HMCN2: variants seen among roughly 807,000 people sequenced by gnomAD.
HMCN2 encodes hemicentin 2, also known as hemicentin-2.
HMCN2 carries 325 observed loss-of-function variants against 377.5 expected under a neutral mutation model. That is an observed-to-expected ratio of 0.86 (90% CI 0.79 to 0.94). The LOEUF (loss-of-function observed/expected upper bound fraction) is 0.94. Ranked by LOEUF, HMCN2 falls within the 40% of genes least tolerant of loss-of-function variation. The probability of loss-of-function intolerance (pLI) is 0.00; values close to 1 mark genes in which losing one functional copy is unlikely to be tolerated. For missense variants in HMCN2, 4,543 were observed against 4,725.3 expected, an observed-to-expected ratio of 0.96 and a Z score of 1.13; for synonymous variants, 2,007 against 2,046.8, an observed-to-expected ratio of 0.98 and a Z score of 0.53.
In HMCN2 at chr9:130,377,788, T is replaced by C; in HGVS notation, c.8201T>C (p.Val2734Ala). ...GGCGAGGACGACCAGGACTTCAACG[T>C]GCTCATCCAGGGTGCGTGGCGCCAG... ...VAGEDDQDFN[V>A]LIQVPPMFQK... The change falls in exon 53 of 98, where the codon GTG (valine) becomes GCG (alanine). Residue 2734 changes from valine to alanine, a missense_variant. Physicochemically the swap from Val to Ala is moderately conservative, Grantham distance 64. Around this residue, in one of 5 missense-constraint regions of HMCN2, gnomAD observed 736 missense variants for 773.2 expected, o/e 0.95. Transcript: ENST00000683500. 1.0e-6 allele frequency: 1 copy of C among 985,970 alleles called. No individual in the cohort carries two copies. Among genetic ancestry groups the C allele is most frequent in the Non-Finnish European group, 1.2e-6 (1 of 830,002 alleles). 61.1% of individuals were successfully genotyped at this position (985,970 alleles called of 1,614,324 possible). A position where few individuals can be genotyped will look rare whatever the true frequency, so the allele number is the denominator to read the frequency against.
At chr9:130,378,822 G>A (rs1841540774) in intron 53 of HMCN2, among the ~76,000 whole-genome samples, 1 of 152,096 alleles carries the variant, frequency 6.6e-6, no homozygotes. Context: ...GGATGACACG[G>A]CCCCCTCCAG....
intron 85 of HMCN2, among the ~76,000 whole-genome samples, chr9:130,411,802 C>T (rs1434309567): frequency 6.6e-6 from 1 of 151,836 alleles, no homozygotes; most frequent in African/African-American, 2.4e-5. Context: ...CCAGGGGCTG[C>T]AGGGAGGGGA....
Position 130,382,863 on chromosome 9 carries a change from G to A in HMCN2, c.8730G>A (p.Leu2910=), listed in dbSNP as rs1178310531. 1.7e-5 allele frequency: 17 copies of A among 985,766 alleles called. No homozygotes were observed. The highest frequency in any genetic ancestry group is 2.0e-5 in the Non-Finnish European group (17 of 829,932). The allele number at this position is 985,766 out of a possible 1,614,324, so 61.1% of individuals were successfully genotyped here. A position where few individuals can be genotyped will look rare whatever the true frequency, so the allele number is the denominator to read the frequency against. Residue 2910 remains leucine (L), a synonymous_variant, in exon 56 of 98, where the codon TTG becomes TTA. Coordinates refer to ENST00000683500, the MANE Select transcript of HMCN2 (RefSeq NM_001291815.2). ...RLQVLEDGQV[L]QVSTAEVADA... ...AGGTCCTGGAGGACGGGCAAGTCTT[G>A]CAGGTCAGGGCAGCCCCCTGCACGG...
chr9:130,375,617 T>C lies in HMCN2; in HGVS notation c.7685T>C (p.Val2562Ala), dbSNP rs894263463. Residue 2562 changes from valine (V) to alanine (A), a missense_variant, in exon 50 of 98, where the codon GTG (valine) becomes GCG (alanine). Physicochemically the swap from Val to Ala is moderately conservative, Grantham distance 64 (BLOSUM62 0). Around this residue, in one of 5 missense-constraint regions of HMCN2, gnomAD observed 736 missense variants for 773.2 expected, o/e 0.95. Transcript: ENST00000683500. ...AEDSADEEVTVTVNNPISLIC... is the reference protein window; with the variant it reads ...AEDSADEEVTATVNNPISLIC... ...GACAGTGCAGATGAGGAGGTGACCG[T>C]GACTGTCAACAACCCCATCTCTCTG... 1.0e-6 allele frequency: 1 copy of C among 985,714 alleles called. No individual in the cohort carries two copies. The highest frequency in any genetic ancestry group is 1.7e-5 in the African/African-American group (1 of 57,204). 61.1% of individuals were successfully genotyped at this position (985,714 alleles called of 1,614,324 possible).
intron 1 of HMCN2, among the ~76,000 whole-genome samples, chr9:130,279,053 A>G (rs555655797): frequency 1.3e-5 from 2 of 151,694 alleles, no homozygotes; most frequent in East Asian, 3.9e-4. Context: ...ATGCGTCACC[A>G]GGCCCAGCTA....
In HMCN2 at chr9:130,375,470, C is replaced by T. The variant is rs369255550; in HGVS notation, c.7631-93C>T. On this transcript the variant is annotated intron_variant, in intron 49 of 97. Coordinates refer to ENST00000683500, the MANE Select transcript of HMCN2 (RefSeq NM_001291815.2). Reference sequence around the variant, plus strand: ...TCTGTAATGTAACTGACAGAAGTACCGAGGCCAAGCACCGGGGTCTGAGGC... The same window carrying T: ...TCTGTAATGTAACTGACAGAAGTACTGAGGCCAAGCACCGGGGTCTGAGGC... 1,128 of 679,654 alleles carry T rather than the reference C, an allele frequency of 1.7e-3. 1 individual carries two copies. The highest frequency in any genetic ancestry group is 3.7e-3 in the Middle Eastern group (5 of 1,334). The allele number at this position is 679,654 out of a possible 1,614,324, so 42.1% of individuals were successfully genotyped here.
chr9:130,339,973 C>T (rs983447218), intron 23 of HMCN2, among the ~76,000 whole-genome samples: 4 of 152,214 alleles, frequency 2.6e-5, no homozygotes, highest in African/African-American at 7.2e-5. Flanking sequence ...CCCAGTTTGG[C>T]CCCGCAGGGG....
intron 94 of HMCN2, 71 bp from the exon 95 acceptor site, chr9:130,430,213 C>T: frequency 3.2e-6 from 4 of 1,264,206 alleles, no homozygotes; most frequent in Non-Finnish European, 4.3e-6. Context: ...GAAGGCAGGG[C>T]CAGGCAATGG....
intron 77 of HMCN2, among the ~76,000 whole-genome samples, chr9:130,402,237 C>T (rs552956673): frequency 1.3e-5 from 2 of 152,358 alleles, no homozygotes; most frequent in South Asian, 4.1e-4. Context: ...TTCCCCCACC[C>T]AGCAGGCCCC....
rs1844322626 is a variant in HMCN2 at position 130,425,912 on chromosome 9, G to A, written c.13867G>A (p.Ala4623Thr). 6.5e-7 allele frequency: 1 copy of A among 1,548,002 alleles called. No homozygotes were observed. Among genetic ancestry groups the A allele is most frequent in the East Asian group, 2.4e-5 (1 of 40,890 alleles). ...GGCCCTGCGCTTCCAGCTCGCTACA[G>A]CCCTGCAGGCGGGTGAGGCCCCTCT... is the stretch of plus-strand genomic sequence containing the variant. ...AEALRFQLAT[A>T]LQAEENEVGC... The change falls in exon 90 of 98, where the codon GCC (alanine) becomes ACC (threonine). Residue 4623 changes from alanine (A) to threonine (T), a missense_variant. Coordinates refer to ENST00000683500, the MANE Select transcript of HMCN2 (RefSeq NM_001291815.2).
At chr9:130,384,609 G>C in intron 58 of HMCN2, 75 bp downstream of exon 58, 1 of 1,301,250 alleles carries the variant, frequency 7.7e-7, no homozygotes, top group Middle Eastern at 2.1e-4. Flanking sequence ...CTGGGACAGG[G>C]CCGTCAGTCG....
At chr9:130,359,460 C>T (rs1206799441) in intron 37 of HMCN2, 46 bp downstream of exon 37, 2 of 1,078,506 alleles carry the variant, frequency 1.9e-6, no homozygotes, top group Non-Finnish European at 2.5e-6. Context: ...GCCCAATTTA[C>T]TGTCTAATGA....
intron 1 of HMCN2, among the ~76,000 whole-genome samples, chr9:130,268,405 C>T (rs10116881): frequency 0.77 from 109,269 of 141,552 alleles, 43,037 homozygotes; most frequent in East Asian, 0.95. Flanking sequence ...GACTTCAGCA[C>T]CATGGAGCCC....
chr9:130,293,411 G>A (rs1835924655), intron 4 of HMCN2, among the ~76,000 whole-genome samples: 1 of 150,396 alleles, frequency 6.6e-6, no homozygotes, highest in Admixed American at 6.7e-5. Context: ...TTATGGTTGA[G>A]CTCACTGTCT....
In HMCN2 at chr9:130,379,474, CAG is replaced by C. The variant is rs1303732844; in HGVS notation, c.8431+8_8431+9del. 21 of 985,168 alleles carry C rather than the reference CAG, an allele frequency of 2.1e-5. No individual in the cohort carries two copies. The highest frequency in any genetic ancestry group is 2.5e-5 in the Non-Finnish European group (21 of 829,510). 61.0% of individuals were successfully genotyped at this position (985,168 alleles called of 1,614,324 possible). On this transcript the variant is annotated splice_region_variant and intron_variant, in intron 54 of 97. Transcript: ENST00000683500. ...GAGGTGTCTGTGCTGCAAGGTGGGT[CAG>C]GGGTGCGTGAAGAAAGTGGGCGCTT...
chr9:130,427,358 A>G lies in HMCN2; in HGVS notation c.13925A>G (p.Gln4642Arg). ...GCPEGFELDS[Q>R]GAFCVDRDEC... ...CCCGAGGGCTTTGAGCTGGACTCCC[A>G]GGGAGCGTTTTGTGTGGGTGAGCGC... Residue 4642 changes from glutamine to arginine, a missense_variant, in exon 91 of 98, where the codon CAG becomes CGG. Coordinates refer to ENST00000683500, the MANE Select transcript of HMCN2 (RefSeq NM_001291815.2). 6.4e-7 allele frequency: 1 copy of G among 1,550,542 alleles called. No individual in the cohort carries two copies. The highest frequency in any genetic ancestry group is 8.7e-7 in the Non-Finnish European group (1 of 1,146,990).
chr9:130,400,671 C>T, intron 76 of HMCN2, 112 bp from the exon 77 acceptor site: 1 of 727,538 alleles, frequency 1.4e-6, no homozygotes, highest in Non-Finnish European at 1.8e-6. Flanking sequence ...CACCTCCCTC[C>T]TTGGCCCTTT....
intron 22 of HMCN2, among the ~76,000 whole-genome samples, chr9:130,331,107 A>G (rs1838401852): frequency 6.6e-6 from 1 of 151,622 alleles, no homozygotes. Flanking sequence ...GCAGTGAGCC[A>G]AGATCGTGCC....
Position 130,349,593 on chromosome 9 carries a change from G to A in HMCN2, c.4360G>A (p.Ala1454Thr), listed in dbSNP as rs1748752460. Residue 1454 changes from alanine (A) to threonine (T), a missense_variant, in exon 29 of 98, where the codon GCA (alanine) becomes ACA (threonine). Ala to Thr is a moderately conservative substitution (Grantham distance 58). Coordinates refer to ENST00000683500, the MANE Select transcript of HMCN2 (RefSeq NM_001291815.2). The part of the protein sequence containing the change: ...AAQEVLGLAG[A>T]DVELQCWTSG... Reference sequence around the variant, plus strand: ...TCAGGAGGTGCTAGGATTGGCCGGTGCAGACGTGGAGCTGCAGTGTTGGAC... The same window carrying A: ...TCAGGAGGTGCTAGGATTGGCCGGTACAGACGTGGAGCTGCAGTGTTGGAC... 2 of 1,304,060 alleles carry A rather than the reference G, an allele frequency of 1.5e-6. No individual in the cohort carries two copies. Among genetic ancestry groups the A allele is most frequent in the African/African-American group, 1.5e-5 (1 of 65,998 alleles). The allele number at this position is 1,304,060 out of a possible 1,614,324, so 80.8% of individuals were successfully genotyped here.
Sources: gnomAD v4.1 joint callset for allele counts (sites outside exome capture counted in the v4.1 genomes callset) on GRCh38, gnomAD v4.1.1 for gene constraint, gnomAD v4.1.1 regional missense constraint, MANE v1.5 for transcripts, NCBI Gene and HGNC (gene_info 2026-07-23, HGNC 2026-07-21) for gene names.